The following P3H2 variants were observed in gnomAD, a reference collection of about 807,000 sequenced individuals.
P3H2 encodes leprecan-like 1.
Under a neutral mutation model 87.0 loss-of-function variants are expected in P3H2, and 80 were observed. The ratio of observed to expected loss-of-function variants is 0.92; its 90% CI spans 0.77 to 1.11. The LOEUF (loss-of-function observed/expected upper bound fraction) is 1.11, where lower values mean the gene tolerates loss of function less well. P3H2 is among the 50% of genes least tolerant of loss of function. P3H2 has a pLI of 0.00. For missense variants in P3H2, 1,001 were observed against 923.9 expected, an observed-to-expected ratio of 1.08 and a Z score of -1.08; for synonymous variants, 367 against 359.3, an observed-to-expected ratio of 1.02 and a Z score of -0.24.
chr3:190,121,003 CG>C (rs1011216386), upstream of P3H2: 5 of 483,026 alleles, frequency 1.0e-5, no homozygotes, highest in Admixed American at 1.8e-4. Context: ...CCCGCTGCAG[CG>C]GCGGGGCTGC....
At chr3:190,119,429 C>T (rs973723329) in intron 1 of P3H2, among the ~76,000 whole-genome samples, 1 of 152,132 alleles carries the variant, frequency 6.6e-6, no homozygotes, top group Non-Finnish European at 1.5e-5. Flanking sequence ...TTCAAATTCC[C>T]TCTGCTGAAG....
intron 6 of P3H2, among the ~76,000 whole-genome samples, chr3:189,985,260 C>A (rs549620615): frequency 2.2e-4 from 34 of 151,608 alleles, no homozygotes; most frequent in African/African-American, 7.0e-4. Context: ...TGAATAAAAC[C>A]CATGCCCAAG....
At chr3:190,079,158 T>C (rs924373434) in intron 1 of P3H2, among the ~76,000 whole-genome samples, 5 of 152,016 alleles carry the variant, frequency 3.3e-5, no homozygotes, top group African/African-American at 9.6e-5. Context: ...CTGGCCAACA[T>C]GGTGAAACCC....
intron 1 of P3H2, among the ~76,000 whole-genome samples, chr3:190,087,468 T>C (rs1234978231): frequency 3.7e-5 from 5 of 136,554 alleles, no homozygotes; most frequent in Non-Finnish European, 7.6e-5. Context: ...GGCGTGAACC[T>C]GGGAGGCGGA....
In P3H2 at chr3:190,056,152, G is replaced by A. The variant is rs1726147453; in HGVS notation, c.481-60710C>T. Among the ~76,000 whole-genome samples the A allele has an allele frequency of 2.0e-5, 3 of 152,138 alleles. No individual in the cohort carries two copies. The South Asian group carries it at 6.2e-4, about 32-fold the overall frequency. Reference sequence around the variant, plus strand: ...CATGTGAAGGACGTAGTGAGAAGATGGCCATCTTTAAGCCAGGAAGACAGC... The same window carrying A: ...CATGTGAAGGACGTAGTGAGAAGATAGCCATCTTTAAGCCAGGAAGACAGC... On this transcript the variant is annotated intron_variant, in intron 1 of 14. Transcript: ENST00000319332.
intron 1 of P3H2, among the ~76,000 whole-genome samples, chr3:190,088,899 G>A (rs1021921910): frequency 5.9e-5 from 9 of 152,072 alleles, no homozygotes; most frequent in African/African-American, 2.2e-4. Context: ...TAGCGTGTTC[G>A]ACCCCTACCT....
intron 1 of P3H2, among the ~76,000 whole-genome samples, chr3:190,032,206 T>C (rs1725276045): frequency 6.6e-6 from 1 of 152,208 alleles, no homozygotes; most frequent in African/African-American, 2.4e-5. Flanking sequence ...ATGTTTATGG[T>C]AGCAGTGCCT....
At chr3:190,064,376 C>T (rs1319771468) in intron 1 of P3H2, among the ~76,000 whole-genome samples, 1 of 151,954 alleles carries the variant, frequency 6.6e-6, no homozygotes, top group Non-Finnish European at 1.5e-5. Flanking sequence ...TCTGATCCTT[C>T]CTAGGGAGTG....
intron 14 of P3H2, among the ~76,000 whole-genome samples, chr3:189,959,736 A>G (rs1722753379): frequency 6.6e-6 from 1 of 151,846 alleles, no homozygotes; most frequent in South Asian, 2.1e-4. Context: ...CAGCTGGTCT[A>G]CCTCCAAATT....
chr3:190,076,559 C>T (rs771588129), intron 1 of P3H2, among the ~76,000 whole-genome samples: 1 of 152,168 alleles, frequency 6.6e-6, no homozygotes, highest in Non-Finnish European at 1.5e-5. Context: ...CATCCATGTG[C>T]TTTAGAATTA....
chr3:190,112,935 A>G (rs1377052193), intron 1 of P3H2, among the ~76,000 whole-genome samples: 1 of 152,240 alleles, frequency 6.6e-6, no homozygotes, highest in Non-Finnish European at 1.5e-5. Flanking sequence ...GAATGGAAAA[A>G]AAAAAGACAG....
chr3:189,971,306 C>T (rs1484316680), intron 12 of P3H2, among the ~76,000 whole-genome samples: 2 of 152,180 alleles, frequency 1.3e-5, no homozygotes, highest in Non-Finnish European at 2.9e-5. Context: ...CTGAAGAGTT[C>T]CTTGTGGCCT....
chr3:190,095,640 A>G (rs3106808), intron 1 of P3H2, among the ~76,000 whole-genome samples: 56,347 of 144,542 alleles, frequency 0.39, 11,749 homozygotes, highest in African/African-American at 0.55. Flanking sequence ...TCGCTCTGTC[A>G]CCCAGGCTGG....
chr3:190,016,621 A>C (rs1037039828), intron 1 of P3H2, among the ~76,000 whole-genome samples: 2 of 152,218 alleles, frequency 1.3e-5, no homozygotes, highest in Admixed American at 1.3e-4. Context: ...TAGAAAAAAT[A>C]ATAATAATAA....
At chr3:190,029,521 A>G (rs1725187940) in intron 1 of P3H2, among the ~76,000 whole-genome samples, 1 of 151,996 alleles carries the variant, frequency 6.6e-6, no homozygotes, top group African/African-American at 2.4e-5. Flanking sequence ...TTTTTTAATT[A>G]AAGTATCTGA....
chr3:190,094,143 TG>T (rs1214802879), intron 1 of P3H2, among the ~76,000 whole-genome samples: 2 of 152,238 alleles, frequency 1.3e-5, no homozygotes, highest in Non-Finnish European at 2.9e-5. Context: ...TCTGCTCTAC[TG>T]ACTGGAACTA....
chr3:190,033,615 AT>A (rs1308027075), intron 1 of P3H2, among the ~76,000 whole-genome samples: 4 of 152,116 alleles, frequency 2.6e-5, no homozygotes, highest in African/African-American at 9.7e-5. Context: ...TGGCCGTAGC[AT>A]TTCAATCTTC....
At chr3:189,987,349 T>C (rs1723734301) in intron 5 of P3H2, among the ~76,000 whole-genome samples, 178 bp downstream of exon 5, 1 of 151,902 alleles carries the variant, frequency 6.6e-6, no homozygotes, top group African/African-American at 2.4e-5. Context: ...TGTGGTGGCA[T>C]GTGCCTGTAA....
intron 13 of P3H2, among the ~76,000 whole-genome samples, chr3:189,964,501 C>G (rs1300360104): frequency 6.6e-6 from 1 of 152,200 alleles, no homozygotes; most frequent in Non-Finnish European, 1.5e-5. Flanking sequence ...AACAAACAAA[C>G]AAACAGGACA....
Sources: allele counts gnomAD v4.1 joint callset (sites outside exome capture counted in the v4.1 genomes callset), GRCh38; gene constraint gnomAD v4.1.1; transcripts MANE v1.5; gene names NCBI Gene and HGNC (gene_info 2026-07-23, HGNC 2026-07-21).